SEMA5A: variants seen among roughly 807,000 people sequenced by gnomAD.
SEMA5A encodes semaphorin-5A.
SEMA5A carries 55 observed loss-of-function variants against 135.5 expected under a neutral mutation model. That is an observed-to-expected ratio of 0.41 (90% CI 0.33 to 0.51). The LOEUF is 0.51. SEMA5A is among the 20% of genes least tolerant of loss of function. SEMA5A has a pLI of 0.37. For missense variants in SEMA5A, 1,290 were observed against 1,419.9 expected (o/e 0.91, Z 1.47); for synonymous variants, 580 against 546.5 (o/e 1.06, Z -0.85).
At chr5:9,453,302 G>A (rs1452101563) in intron 1 of SEMA5A, among the ~76,000 whole-genome samples, 1 of 152,124 alleles carries the variant, frequency 6.6e-6, no homozygotes, top group Non-Finnish European at 1.5e-5. Context: ...CTGACAACAG[G>A]CATTCCCAGC....
chr5:9,320,710 C>T (rs181347083), intron 4 of SEMA5A, among the ~76,000 whole-genome samples: 1 of 152,226 alleles, frequency 6.6e-6, no homozygotes, highest in Non-Finnish European at 1.5e-5. Context: ...AGAGAGAGAT[C>T]CTGTCTCAAC....
In SEMA5A at chr5:9,036,073, C is replaced by T. The variant is rs1294751829; in HGVS notation, c.*6824G>A. The T allele has an allele frequency of 6.6e-6, 1 of 151,462 alleles. No homozygotes were observed. The highest frequency in any genetic ancestry group is 2.4e-5 in the African/African-American group (1 of 41,218). The allele number at this position is 151,462 out of a possible 1,614,324, so 9.4% of individuals were successfully genotyped here. ...TTGATAACATCTTTAAAAGTTACATCAAGCGGCATAGCACAAAAGTTTTGC... is the reference window on the plus strand; with the variant it reads ...TTGATAACATCTTTAAAAGTTACATTAAGCGGCATAGCACAAAAGTTTTGC... On this transcript the variant is annotated 3_prime_UTR_variant, in exon 23 of 23. Transcript: ENST00000382496.
chr5:9,460,447 C>T (rs968747288), intron 1 of SEMA5A, among the ~76,000 whole-genome samples: 10 of 151,954 alleles, frequency 6.6e-5, no homozygotes, highest in Non-Finnish European at 5.9e-5. Flanking sequence ...TATGCAGATA[C>T]TAAAGTATTT....
intron 3 of SEMA5A, among the ~76,000 whole-genome samples, chr5:9,357,604 T>C (rs192438482): frequency 1.8e-4 from 27 of 152,322 alleles, no homozygotes; most frequent in Admixed American, 1.3e-3. Flanking sequence ...ACTCTGGGAA[T>C]AGACATAAGC....
chr5:9,194,390 T>C (rs1250863563), intron 10 of SEMA5A, among the ~76,000 whole-genome samples: 1 of 152,224 alleles, frequency 6.6e-6, no homozygotes, highest in Non-Finnish European at 1.5e-5. Context: ...AATTAGCTAC[T>C]TCTAGTATGT....
chr5:9,090,252 C>T lies in SEMA5A; in HGVS notation c.2073+17888G>A, dbSNP rs187020328. Among the ~76,000 whole-genome samples, 223 of 152,262 alleles carry T rather than the reference C, an allele frequency of 1.5e-3. 1 individual carries two copies. The Middle Eastern group carries it at 0.017, about 12-fold the overall frequency. On this transcript the variant is annotated intron_variant, in intron 16 of 22. Coordinates refer to ENST00000382496, the MANE Select transcript of SEMA5A (RefSeq NM_003966.3). ...AAAGGCACTTTCAGGATAGCAATGC[C>T]TCTGGATGCCATTTATTTCTAATTC... is the stretch of plus-strand genomic sequence containing the variant.
chr5:9,269,535 T>TGCC (rs937020936), intron 5 of SEMA5A, among the ~76,000 whole-genome samples: 1 of 152,108 alleles, frequency 6.6e-6, no homozygotes, highest in African/African-American at 2.4e-5. Flanking sequence ...AAATAATAAA[T>TGCC]GCCCTAATTA....
chr5:9,543,212 A>G (rs999437434), intron 1 of SEMA5A, among the ~76,000 whole-genome samples: 3 of 152,216 alleles, frequency 2.0e-5, no homozygotes, highest in Admixed American at 2.0e-4. Flanking sequence ...AGAGGCTAAC[A>G]TGACTCTGGA....
intron 2 of SEMA5A, among the ~76,000 whole-genome samples, chr5:9,383,076 C>A (rs959225004): frequency 3.7e-4 from 56 of 152,210 alleles, no homozygotes; most frequent in African/African-American, 1.3e-3. Flanking sequence ...CCTGCCCAAG[C>A]ACAGAGCACT....
intron 5 of SEMA5A, among the ~76,000 whole-genome samples, chr5:9,272,772 C>G (rs1404605880): frequency 6.6e-6 from 1 of 152,144 alleles, no homozygotes; most frequent in Non-Finnish European, 1.5e-5. Flanking sequence ...GAAGAGGGGC[C>G]TGAATGTTAG....
rs1194410274 is a variant in SEMA5A at position 9,039,164 on chromosome 5, A to T, written c.*3733T>A. The T allele has an allele frequency of 6.6e-6, 1 of 152,308 alleles. No homozygotes were observed. Among genetic ancestry groups the T allele is most frequent in the Non-Finnish European group, 1.5e-5 (1 of 68,114 alleles). The allele number at this position is 152,308 out of a possible 1,614,324, so 9.4% of individuals were successfully genotyped here. A position where few individuals can be genotyped will look rare whatever the true frequency, so the allele number is the denominator to read the frequency against. ...TAAGGAAGTAAGTACACCTTTGGCT[A>T]AAACTCTGGCACTCTGGGCAGTTGA... is the stretch of plus-strand genomic sequence containing the variant. On this transcript the variant is annotated 3_prime_UTR_variant, in exon 23 of 23. Transcript: ENST00000382496.
intron 16 of SEMA5A, among the ~76,000 whole-genome samples, chr5:9,106,375 A>C (rs1185751448): frequency 6.6e-6 from 1 of 152,236 alleles, no homozygotes; most frequent in African/African-American, 2.4e-5. Context: ...ACATACACAC[A>C]TAGGAACTAC....
intron 8 of SEMA5A, among the ~76,000 whole-genome samples, chr5:9,210,306 C>T (rs1009504596): frequency 2.0e-5 from 3 of 152,100 alleles, no homozygotes; most frequent in African/African-American, 4.8e-5. Flanking sequence ...CCTCTGTGCT[C>T]GATGTACAGG....
intron 2 of SEMA5A, among the ~76,000 whole-genome samples, chr5:9,413,773 A>G (rs977906029): frequency 2.0e-5 from 3 of 152,198 alleles, no homozygotes; most frequent in African/African-American, 7.2e-5. Context: ...CATAGACAAC[A>G]AAAGCTCCAT....
intron 5 of SEMA5A, among the ~76,000 whole-genome samples, chr5:9,293,041 A>G (rs1233468600): frequency 6.6e-6 from 1 of 152,196 alleles, no homozygotes. Context: ...TCTTGTGGTC[A>G]TCTCCTCTCC....
At chr5:9,262,992 C>A (rs1271538847) in intron 5 of SEMA5A, among the ~76,000 whole-genome samples, 6 of 144,774 alleles carry the variant, frequency 4.1e-5, no homozygotes, top group African/African-American at 1.5e-4. Flanking sequence ...TAAATAAATG[C>A]CTAAGGAATT....
At chr5:9,310,873 AAT>A (rs1053241924) in intron 5 of SEMA5A, among the ~76,000 whole-genome samples, 2 of 149,770 alleles carry the variant, frequency 1.3e-5, no homozygotes, top group African/African-American at 2.4e-5. Flanking sequence ...TTGCATATAT[AAT>A]ATATATATAC....
At chr5:9,341,480 G>C (rs1753650354) in intron 3 of SEMA5A, among the ~76,000 whole-genome samples, 1 of 151,820 alleles carries the variant, frequency 6.6e-6, no homozygotes, top group Non-Finnish European at 1.5e-5. Context: ...TGAGGGAGCA[G>C]GAGGGGGTCC....
chr5:9,311,994 C>G (rs1393162893), intron 5 of SEMA5A, among the ~76,000 whole-genome samples: 2 of 152,026 alleles, frequency 1.3e-5, no homozygotes, highest in Admixed American at 1.3e-4. Context: ...GGATTTGGAG[C>G]TATTTCCCAA....
Sources: gnomAD v4.1 joint callset for allele counts (sites outside exome capture counted in the v4.1 genomes callset) on GRCh38, gnomAD v4.1.1 for gene constraint, MANE v1.5 for transcripts, NCBI Gene and HGNC (gene_info 2026-07-23, HGNC 2026-07-21) for gene names.